CADM2: variants seen among roughly 807,000 people sequenced by gnomAD.
The protein encoded by CADM2 is cell adhesion molecule 2.
CADM2 carries 12 observed loss-of-function variants against 49.8 expected under a neutral mutation model. That is an observed-to-expected ratio of 0.24 (90% CI 0.15 to 0.39). CADM2 has a LOEUF of 0.39. Ranked by LOEUF, CADM2 falls within the 10% of genes least tolerant of loss-of-function variation. The probability of loss-of-function intolerance (pLI) is 1.00; values close to 1 mark genes in which losing one functional copy is unlikely to be tolerated. For synonymous variants in CADM2, 214 were observed against 175.4 expected, an observed-to-expected ratio of 1.22 and a Z score of -1.74; for missense variants, 378 against 492.3, an observed-to-expected ratio of 0.77 and a Z score of 2.20.
intron 1 of CADM2, among the ~76,000 whole-genome samples, chr3:85,240,210 G>C (rs966090801): frequency 1.3e-5 from 2 of 151,444 alleles, no homozygotes; most frequent in African/African-American, 4.8e-5. Flanking sequence ...AATAAAAGTA[G>C]ATGGATGGGA....
intron 1 of CADM2, among the ~76,000 whole-genome samples, chr3:85,628,901 A>C (rs1477503493): frequency 1.3e-5 from 2 of 151,192 alleles, no homozygotes; most frequent in African/African-American, 4.8e-5. Flanking sequence ...AAAGTTATTG[A>C]GGTGGTATAT....
intron 1 of CADM2, among the ~76,000 whole-genome samples, chr3:85,618,246 A>C (rs927042258): frequency 6.6e-6 from 1 of 152,140 alleles, no homozygotes; most frequent in Non-Finnish European, 1.5e-5. Context: ...GATCAGAATT[A>C]CTAATCAGAG....
intron 1 of CADM2, among the ~76,000 whole-genome samples, chr3:85,516,736 C>T (rs1046903238): frequency 1.3e-5 from 2 of 151,908 alleles, no homozygotes; most frequent in Admixed American, 6.6e-5. Flanking sequence ...AAAGGTAGTT[C>T]AACTGGGGCA....
rs577054291 is a variant in CADM2, at chr3:86,070,509, A to C, written c.*3726A>C. 6.6e-6 allele frequency: 1 copy of C among 152,070 alleles called. No individual in the cohort carries two copies. Among genetic ancestry groups the C allele is most frequent in the Non-Finnish European group, 1.5e-5 (1 of 67,862 alleles). The allele number at this position is 152,070 out of a possible 1,614,324, so 9.4% of individuals were successfully genotyped here. On this transcript the variant is annotated 3_prime_UTR_variant, in exon 10 of 10. Transcript: ENST00000383699. Reference sequence around the variant, plus strand: ...TTTACATTATGCTTTTTAATTGTGGAGAAAATGCAAAACCTCATGTCTTAC... The same window carrying C: ...TTTACATTATGCTTTTTAATTGTGGCGAAAATGCAAAACCTCATGTCTTAC...
At chr3:85,546,761 T>A (rs1341494618) in intron 1 of CADM2, among the ~76,000 whole-genome samples, 1 of 151,848 alleles carries the variant, frequency 6.6e-6, no homozygotes, top group Admixed American at 6.6e-5. Context: ...GATTACAGAG[T>A]CAAATGTAAA....
In CADM2 at chr3:85,021,116, CAAA is replaced by C. The variant is rs5850660; in HGVS notation, c.61+61463_61+61465del. ...TGGGTGACAGAGTGAGACCCTGTCTCAAAAAAAAAAAAAAAAAGGGGGAAAAAA... is the reference window on the plus strand; with the variant it reads ...TGGGTGACAGAGTGAGACCCTGTCTCAAAAAAAAAAAAAAGGGGGAAAAAA... On this transcript the variant is annotated intron_variant, in intron 1 of 9. Coordinates refer to ENST00000383699, the MANE Select transcript of CADM2 (RefSeq NM_001167675.2). 3.7e-3 allele frequency among the ~76,000 whole-genome samples: 316 copies of C among 85,972 alleles called. 2 individuals carry two copies. Among genetic ancestry groups the C allele is most frequent in the African/African-American group, 0.013 (289 of 22,368 alleles). The allele number at this position is 85,972 out of a possible 152,430, so 56.4% of individuals were successfully genotyped here.
intron 1 of CADM2, among the ~76,000 whole-genome samples, chr3:85,235,647 T>C (rs182366319): frequency 2.0e-5 from 3 of 152,280 alleles, no homozygotes; most frequent in East Asian, 3.9e-4. Context: ...AACTTTGTCT[T>C]AAAACTTTAA....
chr3:85,296,707 T>G (rs1350699111), intron 1 of CADM2, among the ~76,000 whole-genome samples: 1 of 152,086 alleles, frequency 6.6e-6, no homozygotes, highest in Non-Finnish European at 1.5e-5. Flanking sequence ...TCCCTTTTAT[T>G]TCTAAGATCT....
At position 85,748,316 on chromosome 3, in the gene CADM2, CTTAT is replaced by C. The variant is rs373580139; in HGVS notation, c.88+21773_88+21776del. On this transcript the variant is annotated intron_variant, in intron 2 of 9. Transcript: ENST00000383699. ...ATATTCTTCTTATAATCAACTTTAT[CTTAT>C]TTATGTCTAGACATCCATTTAAAAA... is the stretch of plus-strand genomic sequence containing the variant. Among the ~76,000 whole-genome samples, 53 of 151,572 alleles carry C rather than the reference CTTAT, an allele frequency of 3.5e-4. 2 individuals are homozygous for C. The South Asian group carries it at 0.01, about 30-fold the overall frequency.
chr3:85,764,795 AC>A (rs1314300547), intron 2 of CADM2, among the ~76,000 whole-genome samples: 1 of 152,050 alleles, frequency 6.6e-6, no homozygotes, highest in Admixed American at 6.6e-5. Flanking sequence ...TTATAAGGTC[AC>A]TTTTGTATTA....
intron 1 of CADM2, among the ~76,000 whole-genome samples, chr3:85,398,079 A>C: frequency 6.6e-6 from 1 of 152,010 alleles, no homozygotes; most frequent in East Asian, 1.9e-4. Context: ...ATATGTATAC[A>C]TGTGCCATGT....
intron 8 of CADM2, among the ~76,000 whole-genome samples, chr3:86,006,709 C>CT (rs1222185788): frequency 6.6e-6 from 1 of 152,074 alleles, no homozygotes; most frequent in African/African-American, 2.4e-5. Context: ...CCACAAATTC[C>CT]TTTTGTGGCA....
intron 1 of CADM2, among the ~76,000 whole-genome samples, chr3:85,074,027 A>C (rs2036853062): frequency 6.6e-6 from 1 of 152,140 alleles, no homozygotes; most frequent in African/African-American, 2.4e-5. Context: ...AATTAAAAAA[A>C]ATTCCCGGTT....
chr3:85,655,076 A>G (rs1409334825), intron 1 of CADM2, among the ~76,000 whole-genome samples: 1 of 152,190 alleles, frequency 6.6e-6, no homozygotes, highest in African/African-American at 2.4e-5. Flanking sequence ...TTATTTTGAA[A>G]TATCCCATTT....
intron 1 of CADM2, among the ~76,000 whole-genome samples, chr3:85,147,202 G>C (rs1280680486): frequency 1.3e-5 from 2 of 150,444 alleles, no homozygotes; most frequent in African/African-American, 4.9e-5. Context: ...GAGAACCCGG[G>C]AGGCGGAGCT....
At chr3:85,675,325 T>C (rs552228228) in intron 1 of CADM2, among the ~76,000 whole-genome samples, 1 of 152,214 alleles carries the variant, frequency 6.6e-6, no homozygotes, top group East Asian at 1.9e-4. Context: ...CAGGAATTTA[T>C]TTAATTTTTC....
intron 1 of CADM2, among the ~76,000 whole-genome samples, chr3:85,175,344 G>T (rs1479679663): frequency 1.3e-5 from 2 of 152,036 alleles, no homozygotes; most frequent in Admixed American, 6.6e-5. Context: ...ATAGACAAAA[G>T]GTGGAAGCAA....
intron 1 of CADM2, among the ~76,000 whole-genome samples, chr3:85,475,250 T>C (rs1316558492): frequency 6.6e-6 from 1 of 152,012 alleles, no homozygotes; most frequent in Non-Finnish European, 1.5e-5. Flanking sequence ...CCTTTCCAGC[T>C]GAGGCTTTGC....
chr3:85,424,287 A>G (rs115518311), intron 1 of CADM2, among the ~76,000 whole-genome samples: 38 of 151,960 alleles, frequency 2.5e-4, no homozygotes, highest in African/African-American at 8.9e-4. Flanking sequence ...AAAAGCATAT[A>G]GAGATAGTAG....
Sources: allele counts gnomAD v4.1 joint callset (sites outside exome capture counted in the v4.1 genomes callset), GRCh38; gene constraint gnomAD v4.1.1; transcripts MANE v1.5; gene names NCBI Gene and HGNC (gene_info 2026-07-23, HGNC 2026-07-21).